The following ELF2 variants were observed in gnomAD, a reference collection of about 807,000 sequenced individuals.
ELF2 encodes E74 like ETS transcription factor 2, also known as ETS-related transcription factor Elf-2.
A neutral mutation model predicts 54.8 loss-of-function variants in ELF2; 11 were observed. That is an observed-to-expected ratio of 0.20 (90% confidence interval 0.13 to 0.33). The LOEUF is 0.33. ELF2 is among the 10% of genes least tolerant of loss of function. The probability of loss-of-function intolerance (pLI) is 1.00; values close to 1 mark genes in which losing one functional copy is unlikely to be tolerated. For missense variants in ELF2, 513 were observed against 703.0 expected (o/e 0.73, Z 3.06); for synonymous variants, 203 against 245.1 (o/e 0.83, Z 1.61).
intron 5 of ELF2, 101 bp downstream of exon 5, chr4:139,073,353 G>T: frequency 1.5e-6 from 1 of 668,560 alleles, no homozygotes; most frequent in Non-Finnish European, 2.3e-6. Context: ...GTACCTTTGA[G>T]AATTCCCAAC....
Position 139,170,994 on chromosome 4 carries a change from C to T in ELF2, c.-252+5973G>A, listed in dbSNP as rs527592562. 3.8e-4 allele frequency among the ~76,000 whole-genome samples: 58 copies of T among 152,186 alleles called. 2 individuals are homozygous for T. Among genetic ancestry groups the T allele is most frequent in the South Asian group, 3.5e-3 (17 of 4,818 alleles). ...CTCCTGACCTCAGGTGATCCACCCACCTCAGCCTCCCAAAGTGCTGGGGTT... is the reference window on the plus strand; with the variant it reads ...CTCCTGACCTCAGGTGATCCACCCATCTCAGCCTCCCAAAGTGCTGGGGTT... On this transcript the variant is annotated intron_variant, in intron 1 of 9. Coordinates refer to ENST00000686138, the MANE Select transcript of ELF2 (RefSeq NM_001331036.3).
chr4:139,115,109 C>G, intron 4 of ELF2: 1 of 1,613,912 alleles, frequency 6.2e-7, no homozygotes, highest in Non-Finnish European at 8.5e-7. Flanking sequence ...TCTGGGATCT[C>G]CTCTTCCTGG....
chr4:139,065,587 A>G (rs191911928), intron 7 of ELF2, among the ~76,000 whole-genome samples: 29 of 152,330 alleles, frequency 1.9e-4, no homozygotes, highest in Admixed American at 1.8e-3. Context: ...TATTATCACA[A>G]TTTTACAGAA....
At chr4:139,096,625 CTTTTTTT>C (rs551057884) in intron 4 of ELF2, among the ~76,000 whole-genome samples, 2 of 127,026 alleles carry the variant, frequency 1.6e-5, no homozygotes, top group African/African-American at 2.9e-5. Flanking sequence ...CCATACCAAG[CTTTTTTT>C]TTTTTTTTTT....
chr4:139,163,650 A>G (rs1447656626), intron 1 of ELF2, among the ~76,000 whole-genome samples: 1 of 152,152 alleles, frequency 6.6e-6, no homozygotes, highest in Non-Finnish European at 1.5e-5. Context: ...ACAGAGGCTC[A>G]TGGCTGTAAT....
At chr4:139,089,695 G>A (rs1732380982) in intron 4 of ELF2, among the ~76,000 whole-genome samples, 1 of 152,046 alleles carries the variant, frequency 6.6e-6, no homozygotes, top group South Asian at 2.1e-4. Flanking sequence ...CGTAAATATA[G>A]CTATTCTTTT....
intron 4 of ELF2, among the ~76,000 whole-genome samples, chr4:139,083,568 G>A (rs1731481422): frequency 6.6e-6 from 1 of 152,116 alleles, no homozygotes; most frequent in South Asian, 2.1e-4. Flanking sequence ...TTTTTGGCGG[G>A]TATCGGTCCA....
At chr4:139,078,826 TTA>T (rs1301340554) in intron 4 of ELF2, among the ~76,000 whole-genome samples, 2 of 152,168 alleles carry the variant, frequency 1.3e-5, no homozygotes, top group Non-Finnish European at 2.9e-5. Context: ...CCTCGAGATT[TTA>T]TCTGTATTTA....
intron 1 of ELF2, among the ~76,000 whole-genome samples, chr4:139,169,318 A>C (rs1023742274): frequency 2.7e-5 from 4 of 150,346 alleles, no homozygotes; most frequent in African/African-American, 9.9e-5. Flanking sequence ...ACTGCACTCC[A>C]ACCTGGGCTA....
intron 4 of ELF2, among the ~76,000 whole-genome samples, chr4:139,092,710 A>G (rs1422056805): frequency 3.3e-5 from 5 of 152,032 alleles, no homozygotes; most frequent in African/African-American, 1.2e-4. Flanking sequence ...CTGAGGCAGA[A>G]GAATGGCGTG....
chr4:139,059,479 G>A lies in ELF2; in HGVS notation c.1286C>T (p.Thr429Ile). The change falls in exon 10 of 10, where the codon ACC (threonine) becomes ATC (isoleucine). Residue 429 changes from threonine (T) to isoleucine (I), a missense_variant. Physicochemically the swap from Thr to Ile is moderately conservative, Grantham distance 89. Around this residue, in one of 3 missense-constraint regions of ELF2, gnomAD observed 291 missense variants for 366.1 expected, o/e 0.79. Coordinates refer to ENST00000686138, the MANE Select transcript of ELF2 (RefSeq NM_001331036.3). ...TGTCTGAATGACTACCTTTGGAGAG[G>A]TCGCTGTTGTTGGACTAGTGCTGGT... ...LITSTSPTTA[T>I]SPKVVIQTIP... The A allele has an allele frequency of 6.2e-7, 1 of 1,613,954 alleles. No individual in the cohort carries two copies. The highest frequency in any genetic ancestry group is 8.5e-7 in the Non-Finnish European group (1 of 1,179,872).
At chr4:139,059,845 T>C (rs1175947456) in intron 9 of ELF2, among the ~76,000 whole-genome samples, 2 of 151,466 alleles carry the variant, frequency 1.3e-5, no homozygotes. Context: ...ATTTAAGACA[T>C]CTACTTTTTT....
At chr4:139,071,563 AAGG>A (rs1053337219) in intron 6 of ELF2, among the ~76,000 whole-genome samples, 2 of 152,086 alleles carry the variant, frequency 1.3e-5, no homozygotes, top group African/African-American at 4.8e-5. Flanking sequence ...AAGGATCAAC[AAGG>A]AGAAGATGGA....
chr4:139,146,353 A>C (rs1160411317), intron 1 of ELF2, among the ~76,000 whole-genome samples: 1 of 152,200 alleles, frequency 6.6e-6, no homozygotes, highest in African/African-American at 2.4e-5. Flanking sequence ...AGAACTACAA[A>C]CACTGATGAA....
intron 1 of ELF2, among the ~76,000 whole-genome samples, chr4:139,159,771 T>C (rs976623338): frequency 3.3e-5 from 5 of 152,204 alleles, no homozygotes; most frequent in African/African-American, 9.6e-5. Flanking sequence ...TGACTCCAGC[T>C]TCCTTTGGAA....
chr4:139,125,054 C>G, intron 4 of ELF2, 110 bp downstream of exon 4: 1 of 1,337,350 alleles, frequency 7.5e-7, no homozygotes, highest in South Asian at 1.5e-5. Context: ...CCAAGCTATA[C>G]TAAATAGCAT....
In ELF2 at chr4:139,115,051, G is replaced by A. The variant is rs980708979; in HGVS notation, c.238+10113C>T. On this transcript the variant is annotated intron_variant, in intron 4 of 9. Coordinates refer to ENST00000686138, the MANE Select transcript of ELF2 (RefSeq NM_001331036.3). ...CAGCTCCTTGACCGTGGCAGCCCGG[G>A]CATCGTCACTCTCCATGTCCAGGAG... 7.4e-6 allele frequency: 12 copies of A among 1,613,898 alleles called. No individual in the cohort carries two copies. The East Asian group carries it at 2.5e-4, about 33-fold the overall frequency.
At chr4:139,132,684 C>T (rs969483268) in intron 3 of ELF2, among the ~76,000 whole-genome samples, 9 of 151,892 alleles carry the variant, frequency 5.9e-5, no homozygotes, top group Non-Finnish European at 1.0e-4. Context: ...TGCCTGTCTT[C>T]ATATGGCGGT....
intron 4 of ELF2, among the ~76,000 whole-genome samples, chr4:139,103,355 A>G (rs532547201): frequency 6.6e-6 from 1 of 152,312 alleles, no homozygotes; most frequent in East Asian, 1.9e-4. Flanking sequence ...CAGAAAGACC[A>G]AGGCAGGATT....
Sources: allele counts gnomAD v4.1 joint callset (sites outside exome capture counted in the v4.1 genomes callset), GRCh38; gene constraint gnomAD v4.1.1; regional missense constraint gnomAD v4.1.1; transcripts MANE v1.5; gene names NCBI Gene and HGNC (gene_info 2026-07-23, HGNC 2026-07-21).